The following SRGAP2B variants were observed in gnomAD, a reference collection of about 807,000 sequenced individuals.
SRGAP2B encodes SLIT-ROBO Rho GTPase activating protein 2B, also known as SLIT-ROBO Rho GTPase-activating protein 2B.
SRGAP2B carries 9 observed loss-of-function variants against 22.2 expected under a neutral mutation model. The observed-to-expected ratio is 0.41, with a 90% CI of 0.24 to 0.71. The LOEUF is 0.71. Ranked by LOEUF, SRGAP2B falls within the 30% of genes least tolerant of loss-of-function variation. The pLI is 0.35. For missense variants in SRGAP2B, 114 were observed against 235.8 expected (o/e 0.48, Z 3.38); for synonymous variants, 36 against 87.4 (o/e 0.41, Z 3.28).
intron 2 of SRGAP2B, among the ~76,000 whole-genome samples, chr1:145,068,202 CA>C (rs75504567): frequency 0.042 from 651 of 15,608 alleles, 1 homozygote; most frequent in African/African-American, 0.11. Context: ...GACTCCGTCT[CA>C]AAAAAAAAAA....
At chr1:144,979,958 T>G (rs1186521390) in intron 3 of SRGAP2B, among the ~76,000 whole-genome samples, 13 of 150,878 alleles carry the variant, frequency 8.6e-5, no homozygotes, top group Non-Finnish European at 4.4e-5. Context: ...TGTATTTGTA[T>G]GCACATGTAT....
intron 3 of SRGAP2B, among the ~76,000 whole-genome samples, chr1:144,968,749 G>C (rs1478144925): frequency 5.5e-4 from 53 of 96,018 alleles, no homozygotes; most frequent in Non-Finnish European, 6.9e-4. Context: ...AAACCCCATC[G>C]TCTCAGCCCA....
chr1:145,061,813 T>C (rs1333703361), intron 2 of SRGAP2B, among the ~76,000 whole-genome samples: 2 of 133,158 alleles, frequency 1.5e-5, no homozygotes, highest in East Asian at 2.2e-4. Flanking sequence ...CAGGCTGGCA[T>C]TTACATATTT....
At chr1:144,967,630 A>G (rs1668185811) in intron 3 of SRGAP2B, among the ~76,000 whole-genome samples, 1 of 127,256 alleles carries the variant, frequency 7.9e-6, no homozygotes, top group African/African-American at 3.2e-5. Flanking sequence ...AAGGCAAGAA[A>G]TAACTAAAAT....
chr1:145,017,371 A>G (rs1553623398), intron 2 of SRGAP2B, among the ~76,000 whole-genome samples: 1 of 145,428 alleles, frequency 6.9e-6, no homozygotes, highest in Non-Finnish European at 1.5e-5. Context: ...TGACATTAGA[A>G]TACTTTTAGA....
chr1:144,967,462 T>C (rs1220730844), intron 3 of SRGAP2B, among the ~76,000 whole-genome samples: 2 of 136,616 alleles, frequency 1.5e-5, no homozygotes, highest in Non-Finnish European at 3.1e-5. Context: ...AGACACAACA[T>C]ACCAGAATCT....
chr1:145,011,830 C>G (rs1447306333), intron 2 of SRGAP2B, among the ~76,000 whole-genome samples: 1 of 150,190 alleles, frequency 6.7e-6, no homozygotes, highest in East Asian at 2.0e-4. Flanking sequence ...CACACTGCAG[C>G]CCTGCTCATC....
At chr1:144,984,866 C>T (rs1455752775) in intron 3 of SRGAP2B, among the ~76,000 whole-genome samples, 1 of 150,408 alleles carries the variant, frequency 6.6e-6, no homozygotes, top group African/African-American at 2.5e-5. Context: ...AGGCCCTCCA[C>T]AATACAAACC....
At chr1:144,940,537 G>A (rs1553607201) in intron 4 of SRGAP2B, among the ~76,000 whole-genome samples, 1 of 145,342 alleles carries the variant, frequency 6.9e-6, no homozygotes, top group African/African-American at 2.6e-5. Flanking sequence ...GGTGGCTCAC[G>A]CCTGAAATCC....
chr1:145,056,993 G>A (rs587729632), intron 2 of SRGAP2B, among the ~76,000 whole-genome samples: 9 of 132,300 alleles, frequency 6.8e-5, no homozygotes, highest in Admixed American at 3.0e-4. Flanking sequence ...ACACACACAC[G>A]CAAACTCCTC....
intron 2 of SRGAP2B, among the ~76,000 whole-genome samples, chr1:145,081,673 A>AACAC (rs1170402009): frequency 6.7e-6 from 1 of 149,200 alleles, no homozygotes; most frequent in Non-Finnish European, 1.5e-5. Context: ...CAAAATAATA[A>AACAC]ACACACACAC....
chr1:144,889,006 G>C (rs1266055777), exon 10 of SRGAP2B: 1 of 142,970 alleles, frequency 7.0e-6, no homozygotes, highest in Non-Finnish European at 1.5e-5. Context: ...CCAGGCTGGA[G>C]TGCAGTGACA....
chr1:145,031,743 AGGCTGAGGCAGGAGAAT>A (rs1392412128), intron 2 of SRGAP2B, among the ~76,000 whole-genome samples: 20 of 142,994 alleles, frequency 1.4e-4, no homozygotes, highest in Non-Finnish European at 2.5e-4. Context: ...GCTACTTGGG[AGGCTGAGGCAGGAGAAT>A]GGCGTGAACC....
intron 2 of SRGAP2B, among the ~76,000 whole-genome samples, chr1:145,063,176 TA>T (rs1237731126): frequency 9.2e-6 from 1 of 108,672 alleles, no homozygotes; most frequent in Non-Finnish European, 1.8e-5. Flanking sequence ...TTTTCTTCAT[TA>T]GGGGTAGGCC....
rs1442639210 is a variant in SRGAP2B, at chr1:144,915,406, A to T, written c.424-652T>A. ...TCTTTGCTGCTGCCACCCAGGGCTG[A>T]CATCTAACTACATAGAGCAGTAGAA... is the stretch of plus-strand genomic sequence containing the variant. On this transcript the variant is annotated intron_variant, in intron 4 of 9. Coordinates refer to ENST00000612199, the Ensembl canonical transcript of SRGAP2B. 4.6e-5 allele frequency among the ~76,000 whole-genome samples: 7 copies of T among 150,678 alleles called. 1 individual carries two copies. Among genetic ancestry groups the T allele is most frequent in the Admixed American group, 4.6e-4 (7 of 15,148 alleles).
chr1:145,075,675 A>G (rs1326609726), intron 2 of SRGAP2B, among the ~76,000 whole-genome samples: 7 of 126,258 alleles, frequency 5.5e-5, no homozygotes, highest in African/African-American at 2.3e-4. Context: ...ATCTGGGAGC[A>G]GGTATTGCAA....
At chr1:144,963,743 A>ACGT (rs1667851370) in intron 3 of SRGAP2B, among the ~76,000 whole-genome samples, 1 of 152,126 alleles carries the variant, frequency 6.6e-6, no homozygotes, top group Non-Finnish European at 1.5e-5. Context: ...AAGTGGAATG[A>ACGT]CGTCACTCAG....
At chr1:144,943,147 A>T (rs1666189021) in intron 4 of SRGAP2B, among the ~76,000 whole-genome samples, 1 of 134,434 alleles carries the variant, frequency 7.4e-6, no homozygotes, top group Admixed American at 7.7e-5. Context: ...AACCAGACAA[A>T]TCTAGAAGAT....
chr1:145,025,079 CA>C (rs1181838115), intron 2 of SRGAP2B, among the ~76,000 whole-genome samples: 1 of 114,884 alleles, frequency 8.7e-6, no homozygotes, highest in Admixed American at 9.2e-5. Context: ...TGAGGGTCAT[CA>C]AAATTAGAAC....
Sources: allele counts gnomAD v4.1 joint callset (sites outside exome capture counted in the v4.1 genomes callset), GRCh38; gene constraint gnomAD v4.1.1; transcripts MANE v1.5; gene names NCBI Gene and HGNC (gene_info 2026-07-23, HGNC 2026-07-21).